The following PDE6A variants were observed in gnomAD, a reference collection of about 807,000 sequenced individuals.
PDE6A encodes rod cGMP-specific 3',5'-cyclic phosphodiesterase subunit alpha.
Under a neutral mutation model 106.3 loss-of-function variants are expected in PDE6A, and 84 were observed. The observed-to-expected ratio is 0.79, with a 90% CI of 0.66 to 0.95. The LOEUF (loss-of-function observed/expected upper bound fraction) is 0.95. PDE6A is among the 40% of genes least tolerant of loss of function. The pLI is 0.00. For missense variants in PDE6A, 1,052 were observed against 1,084.9 expected (o/e 0.97, Z 0.43); for synonymous variants, 394 against 386.6 (o/e 1.02, Z -0.23).
intron 10 of PDE6A, 69 bp downstream of exon 10, chr5:149,898,294 C>T (rs1581180138): frequency 1.3e-6 from 2 of 1,509,488 alleles, no homozygotes; most frequent in Non-Finnish European, 1.8e-6. Flanking sequence ...GCAAGTTTTG[C>T]CTTAATCTGG....
intron 4 of PDE6A, among the ~76,000 whole-genome samples, chr5:149,922,990 A>G (rs1753764716): frequency 6.6e-6 from 1 of 152,256 alleles, no homozygotes; most frequent in Non-Finnish European, 1.5e-5. Context: ...TCAACCAATC[A>G]CAGGCAGCCC....
chr5:149,861,067 G>A (rs1208545067), intron 21 of PDE6A, 96 bp from the exon 22 acceptor site: 1 of 994,994 alleles, frequency 1.0e-6, no homozygotes, highest in Admixed American at 2.0e-5. Flanking sequence ...CAAACTCAAA[G>A]GCTTTCAGTG....
At chr5:149,875,561 C>T (rs554189793) in intron 17 of PDE6A, among the ~76,000 whole-genome samples, 163 of 150,148 alleles carry the variant, frequency 1.1e-3, no homozygotes, top group African/African-American at 3.8e-3. Context: ...ACCGTCAGGG[C>T]TCGCTGCAGC....
intron 5 of PDE6A, among the ~76,000 whole-genome samples, chr5:149,916,621 T>C (rs1035658294): frequency 6.6e-6 from 1 of 152,192 alleles, no homozygotes; most frequent in East Asian, 1.9e-4. Context: ...TAGCATGCAA[T>C]TGGATGTTGG....
At chr5:149,887,208 A>G (rs950097693) in intron 13 of PDE6A, among the ~76,000 whole-genome samples, 1 of 152,270 alleles carries the variant, frequency 6.6e-6, no homozygotes, top group Admixed American at 6.5e-5. Context: ...GATTGAAAAG[A>G]CTTCCAAGTC....
At chr5:149,939,496 C>T (rs1754271180) in intron 1 of PDE6A, among the ~76,000 whole-genome samples, 1 of 152,110 alleles carries the variant, frequency 6.6e-6, no homozygotes, top group Admixed American at 6.6e-5. Flanking sequence ...GTACAGCATC[C>T]ATCACTTAGA....
chr5:149,900,549 T>G (rs1393678729), intron 8 of PDE6A, among the ~76,000 whole-genome samples: 1 of 151,508 alleles, frequency 6.6e-6, no homozygotes, highest in Non-Finnish European at 1.5e-5. Flanking sequence ...GAGAGTTACA[T>G]TATGGAACTA....
chr5:149,933,979 T>C lies in PDE6A; in HGVS notation c.668A>G (p.Lys223Arg). 3 of 1,613,882 alleles carry C rather than the reference T, an allele frequency of 1.9e-6. No homozygotes were observed. The highest frequency in any genetic ancestry group is 1.7e-5 in the Admixed American group (1 of 60,020). Residue 223 changes from lysine to arginine, a missense_variant, in exon 3 of 22, where the codon AAG (lysine) becomes AGG (arginine). By Grantham distance (26) the Lys-to-Arg change is conservative (BLOSUM62 2). This residue lies in a region of PDE6A where 913 missense variants were observed against 915.2 expected (regional missense o/e 1.00). Coordinates refer to ENST00000255266, the MANE Select transcript of PDE6A (RefSeq NM_000440.3). ...GTGCAGGTAACTCAGGTGGTACACC[T>C]TCATGATTAGATTTGCAAAATTGAG... ...KYLNFANLIMKVYHLSYLHNC... is the reference protein window; with the variant it reads ...KYLNFANLIMRVYHLSYLHNC...
intron 5 of PDE6A, among the ~76,000 whole-genome samples, chr5:149,917,006 A>G (rs1753573061): frequency 6.6e-6 from 1 of 151,432 alleles, no homozygotes; most frequent in African/African-American, 2.4e-5. Flanking sequence ...TAACAATTTG[A>G]CTGAGTTAGA....
intron 19 of PDE6A, chr5:149,867,059 C>T (rs942898562): frequency 2.5e-5 from 4 of 158,266 alleles, no homozygotes; most frequent in African/African-American, 9.6e-5. Context: ...CTAAGCCTGC[C>T]GTGGTGACCT....
chr5:149,906,537 A>AAAAAAAAAAAAAAAAAAAAAAAAC (rs1336525682), intron 7 of PDE6A, among the ~76,000 whole-genome samples: 3 of 149,452 alleles, frequency 2.0e-5, no homozygotes, highest in Non-Finnish European at 3.0e-5. Context: ...AAAAAAAAAA[A>AAAAAAAAAAAAAAAAAAAAAAAAC]ATCCCACCTT....
At chr5:149,915,464 T>C (rs1243468852) in intron 5 of PDE6A, among the ~76,000 whole-genome samples, 3 of 152,190 alleles carry the variant, frequency 2.0e-5, no homozygotes, top group South Asian at 2.1e-4. Flanking sequence ...TTTTGCCCCA[T>C]GGTTTTCAGG....
chr5:149,894,947 C>T (rs527847014), intron 13 of PDE6A, among the ~76,000 whole-genome samples: 9 of 152,236 alleles, frequency 5.9e-5, no homozygotes, highest in African/African-American at 2.2e-4. Context: ...GACATGGTTA[C>T]CCCCAAATAA....
Position 149,863,177 on chromosome 5 carries a change from G to A in PDE6A, c.2448C>T (p.Tyr816=), listed in dbSNP as rs769636229. 2.0e-5 allele frequency: 33 copies of A among 1,614,012 alleles called. No homozygotes were observed. Among genetic ancestry groups the A allele is most frequent in the East Asian group, 1.3e-4 (6 of 44,894 alleles). The change falls in exon 21 of 22, where the codon TAC becomes TAT. Residue 816 remains tyrosine, a synonymous_variant. Transcript: ENST00000255266. This position sits in a 1 kb window ranked among gnomAD's most constrained non-coding sequence, Gnocchi z 4.7. ...CCTCCTGCACCTTCATCTTGGCATC[G>A]TACTCATCAGCAAGCGCCTTCCACT... ...RKEWKALADE[Y]DAKMKVQEEK... is the part of the protein sequence containing the mutation.
At position 149,872,737 on chromosome 5, in the gene PDE6A, C is replaced by T. The variant is rs187296143; in HGVS notation, c.2136-4579G>A. ...CCTAAGAAAGCAGTGGGTGTGCAGG[C>T]AAGGGCTGGTGTGGCTGAGTCCAAG... On this transcript the variant is annotated intron_variant, in intron 17 of 21. Transcript: ENST00000255266. Among the ~76,000 whole-genome samples the T allele has an allele frequency of 2.4e-3, 360 of 152,280 alleles. 1 individual carries two copies. Among genetic ancestry groups the T allele is most frequent in the Middle Eastern group, 0.01 (3 of 294 alleles).
chr5:149,924,891 CA>C (rs1753829073), intron 4 of PDE6A, among the ~76,000 whole-genome samples: 1 of 152,082 alleles, frequency 6.6e-6, no homozygotes, highest in Non-Finnish European at 1.5e-5. Context: ...GCAAGGAGGA[CA>C]AAATTGGAAT....
chr5:149,939,698 C>G (rs893378909), intron 1 of PDE6A, among the ~76,000 whole-genome samples: 1 of 152,142 alleles, frequency 6.6e-6, no homozygotes, highest in Non-Finnish European at 1.5e-5. Context: ...GAAATAAACC[C>G]AGTCAAGCTA....
intron 8 of PDE6A, among the ~76,000 whole-genome samples, chr5:149,901,229 T>C (rs1752965800): frequency 6.6e-6 from 1 of 152,118 alleles, no homozygotes; most frequent in African/African-American, 2.4e-5. Flanking sequence ...CCTATGTTTC[T>C]TAAAAACATT....
intron 1 of PDE6A, among the ~76,000 whole-genome samples, chr5:149,939,856 G>A (rs1028257702): frequency 6.6e-6 from 1 of 151,996 alleles, no homozygotes; most frequent in East Asian, 1.9e-4. Flanking sequence ...TTTTATAGAG[G>A]AGGAGGGAGT....
Sources: allele counts gnomAD v4.1 joint callset (sites outside exome capture counted in the v4.1 genomes callset), GRCh38; gene constraint gnomAD v4.1.1; regional missense constraint gnomAD v4.1.1; non-coding constraint Gnocchi (gnomAD v3.1); transcripts MANE v1.5; gene names NCBI Gene and HGNC (gene_info 2026-07-23, HGNC 2026-07-21).